CDH18: variants seen among roughly 807,000 people sequenced by gnomAD.
CDH18 encodes cadherin 18, also known as cadherin-18.
CDH18 carries 31 observed loss-of-function variants against 67.9 expected under a neutral mutation model. The ratio of observed to expected loss-of-function variants is 0.46; its 90% confidence interval spans 0.34 to 0.62. The LOEUF (loss-of-function observed/expected upper bound fraction) is 0.62. CDH18 is among the 20% of genes least tolerant of loss of function. CDH18 has a pLI of 0.01. For missense variants in CDH18, 890 were observed against 975.5 expected (o/e 0.91, Z 1.17); for synonymous variants, 362 against 347.2 (o/e 1.04, Z -0.48).
chr5:19,658,345 G>C (rs1001633716), intron 5 of CDH18, among the ~76,000 whole-genome samples: 2 of 152,000 alleles, frequency 1.3e-5, no homozygotes, highest in Admixed American at 1.3e-4. Context: ...CTGCAACATG[G>C]ACTCTTGAGC....
intron 1 of CDH18, among the ~76,000 whole-genome samples, chr5:20,366,641 T>C (rs916248544): frequency 1.4e-4 from 21 of 152,150 alleles, no homozygotes; most frequent in African/African-American, 5.1e-4. Flanking sequence ...TTTGCCCCCC[T>C]AACAGTGGAA....
At chr5:20,346,883 C>T (rs1006468708) in intron 1 of CDH18, among the ~76,000 whole-genome samples, 1 of 152,072 alleles carries the variant, frequency 6.6e-6, no homozygotes, top group Non-Finnish European at 1.5e-5. Flanking sequence ...TAAGGTCCTC[C>T]AAATGTCATT....
intron 2 of CDH18, among the ~76,000 whole-genome samples, chr5:19,873,867 C>A (rs557271217): frequency 2.0e-5 from 3 of 152,036 alleles, no homozygotes; most frequent in African/African-American, 7.2e-5. Context: ...AGGCAGGTTG[C>A]GAACTCCTGA....
At chr5:20,505,038 A>T (rs1395801910) in intron 1 of CDH18, among the ~76,000 whole-genome samples, 1 of 152,062 alleles carries the variant, frequency 6.6e-6, no homozygotes, top group East Asian at 1.9e-4. Flanking sequence ...AAGTGCTGGG[A>T]TTACAGGTGT....
At chr5:19,630,925 T>C (rs1752331633) in intron 5 of CDH18, among the ~76,000 whole-genome samples, 2 of 152,028 alleles carry the variant, frequency 1.3e-5, no homozygotes, top group Non-Finnish European at 2.9e-5. Flanking sequence ...AAATGAGGCA[T>C]TGATTTAGTT....
At chr5:20,335,504 A>G (rs771889571) in intron 1 of CDH18, among the ~76,000 whole-genome samples, 11 of 151,978 alleles carry the variant, frequency 7.2e-5, no homozygotes, top group Non-Finnish European at 1.6e-4. Context: ...TGCCCTCCCA[A>G]AACTTTTCTT....
At position 19,648,117 on chromosome 5, in the gene CDH18, G is replaced by T. The variant is rs1048286307; in HGVS notation, c.644-35516C>A. ...CCTTGGACTTTCAGTTAATGTTTCA[G>T]TTATAAAGAGAAGCAGGCTGGGTGC... On this transcript the variant is annotated intron_variant, in intron 5 of 12. Transcript: ENST00000382275. Among the ~76,000 whole-genome samples the T allele has an allele frequency of 4.6e-5, 7 of 152,032 alleles. No homozygotes were observed. In the East Asian group the frequency reaches 1.2e-3, roughly 25 times the overall value.
intron 2 of CDH18, among the ~76,000 whole-genome samples, chr5:20,049,324 A>C (rs1741201609): frequency 6.6e-6 from 1 of 151,616 alleles, no homozygotes; most frequent in African/African-American, 2.4e-5. Context: ...CATACACAAA[A>C]AAAAATACAT....
At chr5:19,714,933 T>C (rs1173575425) in intron 5 of CDH18, among the ~76,000 whole-genome samples, 2 of 152,070 alleles carry the variant, frequency 1.3e-5, no homozygotes, top group African/African-American at 2.4e-5. Flanking sequence ...AAAAGATAAA[T>C]TGACAAAGCA....
intron 1 of CDH18, among the ~76,000 whole-genome samples, chr5:20,422,198 A>G (rs1311736441): frequency 6.9e-6 from 1 of 144,046 alleles, no homozygotes; most frequent in African/African-American, 3.0e-5. Context: ...ACTTGATGAA[A>G]AAATAGCCTT....
intron 9 of CDH18, among the ~76,000 whole-genome samples, chr5:19,526,815 T>C (rs1440829741): frequency 1.3e-5 from 2 of 152,000 alleles, no homozygotes; most frequent in Non-Finnish European, 2.9e-5. Context: ...ATTATTTTCC[T>C]AAAATGTGCT....
chr5:19,932,716 T>C (rs1793835176), intron 2 of CDH18, among the ~76,000 whole-genome samples: 1 of 151,654 alleles, frequency 6.6e-6, no homozygotes, highest in Non-Finnish European at 1.5e-5. Flanking sequence ...TCATAGTACT[T>C]AATATCCATC....
intron 2 of CDH18, among the ~76,000 whole-genome samples, chr5:19,888,427 C>T (rs1014354964): frequency 1.3e-5 from 2 of 151,766 alleles, no homozygotes; most frequent in African/African-American, 2.4e-5. Flanking sequence ...TCTTAGATAT[C>T]TTTCATTAGA....
intron 4 of CDH18, among the ~76,000 whole-genome samples, chr5:19,723,080 T>A (rs1306174141): frequency 6.6e-6 from 1 of 151,264 alleles, no homozygotes; most frequent in African/African-American, 2.4e-5. Context: ...ACACACAAAA[T>A]TTTTTTTTGG....
intron 4 of CDH18, among the ~76,000 whole-genome samples, chr5:19,727,935 T>C (rs1312790958): frequency 1.3e-5 from 2 of 152,184 alleles, no homozygotes; most frequent in African/African-American, 4.8e-5. Context: ...ATTTTATCAC[T>C]CGTTAAAAGT....
intron 2 of CDH18, among the ~76,000 whole-genome samples, chr5:20,100,172 A>G (rs1459409590): frequency 6.6e-6 from 1 of 152,238 alleles, no homozygotes; most frequent in Admixed American, 6.5e-5. Context: ...CCCAAATAAA[A>G]TATTATTTAG....
rs554208351 is a variant in CDH18, at chr5:20,415,436, A to G, written c.-579-159931T>C. ...CATACATACAATGGAATATCATTCA[A>G]TGTAGTACATACATACAGTGGAATA... On this transcript the variant is annotated intron_variant, in intron 1 of 14. Transcript: ENST00000507958. Among the ~76,000 whole-genome samples, 120 of 152,294 alleles carry G rather than the reference A, an allele frequency of 7.9e-4. No individual in the cohort carries two copies. The Middle Eastern group carries it at 0.017, about 22-fold the overall frequency.
intron 5 of CDH18, among the ~76,000 whole-genome samples, chr5:19,712,487 G>A (rs1010961517): frequency 2.6e-5 from 4 of 151,862 alleles, no homozygotes; most frequent in African/African-American, 4.8e-5. Flanking sequence ...GTTACTCAAA[G>A]ATCAGAGATT....
chr5:19,543,972 T>C lies in CDH18; in HGVS notation c.1287A>G (p.Arg429=), dbSNP rs769649071. The C allele has an allele frequency of 7.5e-6, 12 of 1,592,018 alleles. No homozygotes were observed. Among genetic ancestry groups the C allele is most frequent in the Non-Finnish European group, 6.0e-6 (7 of 1,164,562 alleles). Residue 429 remains arginine (R), a synonymous_variant, in exon 9 of 13, where the codon AGA becomes AGG. Transcript: ENST00000382275. ...CAGTATTGGCATCAATGTTGAAAAA[T>C]CTGTCGTCTTCAACATTGTAGTTGA... The part of the protein sequence containing the change: ...YFINYNVEDD[R]FFNIDANTGT...
Sources: allele counts gnomAD v4.1 joint callset (sites outside exome capture counted in the v4.1 genomes callset), GRCh38; gene constraint gnomAD v4.1.1; transcripts MANE v1.5; gene names NCBI Gene and HGNC (gene_info 2026-07-23, HGNC 2026-07-21).